The following BRD8 variants were observed in gnomAD, a reference collection of about 807,000 sequenced individuals.
BRD8 encodes the protein bromodomain-containing protein 8.
BRD8 carries 67 observed loss-of-function variants against 143.1 expected under a neutral mutation model. The ratio of observed to expected loss-of-function variants is 0.47; its 90% CI spans 0.38 to 0.57. The LOEUF is 0.57. Ranked by LOEUF, BRD8 falls within the 20% of genes least tolerant of loss-of-function variation. The pLI, the probability that BRD8 is intolerant of heterozygous loss-of-function variation, is 0.00. For synonymous variants in BRD8, 505 were observed against 517.1 expected (o/e 0.98, Z 0.32); for missense variants, 1,103 against 1,503.0 (o/e 0.73, Z 4.40).
rs1182175545 is a variant in BRD8, at chr5:138,160,265, T to C, written c.2428-92A>G. ...TAAGCACTGTAAATAGAACTTTGTATAGTACTCTTCTGGCTCAAATATATT... is the reference window on the plus strand; with the variant it reads ...TAAGCACTGTAAATAGAACTTTGTACAGTACTCTTCTGGCTCAAATATATT... On this transcript the variant is annotated intron_variant, in intron 18 of 26. Coordinates refer to ENST00000254900, the MANE Select transcript of BRD8 (RefSeq NM_139199.2). The C allele has an allele frequency of 5.8e-6, 5 of 857,118 alleles. No homozygotes were observed. In the East Asian group the frequency reaches 9.7e-5, roughly 17 times the overall value. 53.1% of individuals were successfully genotyped at this position (857,118 alleles called of 1,614,324 possible). A position where few individuals can be genotyped will look rare whatever the true frequency, so the allele number is the denominator to read the frequency against.
At chr5:138,159,432 G>A (rs1048714870) in intron 20 of BRD8, 123 bp downstream of exon 20, 1 of 1,016,322 alleles carries the variant, frequency 9.8e-7, no homozygotes. Flanking sequence ...TCAATGACCT[G>A]AATAAACAGA....
rs568423801 is a variant in BRD8, at chr5:138,144,107, T to C, written c.3437+1070A>G. ...AAGACCACGAACCCAACAAGAGGAA[T>C]AAACAACTCCGGATGTACCACCTTT... On this transcript the variant is annotated intron_variant, in intron 25 of 26. Coordinates refer to ENST00000254900, the MANE Select transcript of BRD8 (RefSeq NM_139199.2). Among the ~76,000 whole-genome samples the C allele has an allele frequency of 6.4e-3, 564 of 88,756 alleles. 3 individuals carry two copies. The highest frequency in any genetic ancestry group is 0.02 in the African/African-American group (536 of 27,146). 58.2% of individuals were successfully genotyped at this position (88,756 alleles called of 152,430 possible).
At position 138,164,921 on chromosome 5, in the gene BRD8, G is replaced by C. The variant is rs781741313; in HGVS notation, c.1524C>G (p.Ile508Met). Residue 508 changes from isoleucine (I) to methionine (M), a missense_variant, in exon 12 of 27, where the codon ATC (isoleucine) becomes ATG (methionine). Transcript: ENST00000254900. The part of the protein sequence containing the change: ...LVDIREPSAE[I>M]KVEPAEPEPV... Reference sequence around the variant, plus strand: ...GCTCTGGTTCTGCAGGTTCCACCTTGATCTCTGCACTGGGCTCCCTGATGT... The same window carrying C: ...GCTCTGGTTCTGCAGGTTCCACCTTCATCTCTGCACTGGGCTCCCTGATGT... The C allele has an allele frequency of 1.2e-6, 2 of 1,614,160 alleles. No individual in the cohort carries two copies. Among genetic ancestry groups the C allele is most frequent in the African/African-American group, 1.3e-5 (1 of 75,040 alleles).
At chr5:138,153,236 T>G (rs916040029) in intron 20 of BRD8, among the ~76,000 whole-genome samples, 20 of 152,202 alleles carry the variant, frequency 1.3e-4, no homozygotes, top group African/African-American at 4.6e-4. Flanking sequence ...TAGGATTGCC[T>G]TTGGCATCCT....
chr5:138,143,856 T>C (rs1020289084), intron 25 of BRD8, among the ~76,000 whole-genome samples: 1 of 152,154 alleles, frequency 6.6e-6, no homozygotes. Flanking sequence ...ATCAGTACTA[T>C]GTAAAATGGA....
chr5:138,144,704 C>A (rs1327405547), intron 25 of BRD8, among the ~76,000 whole-genome samples: 1 of 151,974 alleles, frequency 6.6e-6, no homozygotes, highest in East Asian at 1.9e-4. Context: ...GAGTTCAAGA[C>A]CAGCCTGGGC....
In BRD8 at chr5:138,171,346, T is replaced by A; in HGVS notation, c.236+15A>T. ...ACTAAAGAAATATGGCTGAAGTACC[T>A]GGCTTTGTACTCACTTTGGTGTCTC... On this transcript the variant is annotated intron_variant, in intron 4 of 26. Coordinates refer to ENST00000254900, the MANE Select transcript of BRD8 (RefSeq NM_139199.2). 1.2e-6 allele frequency: 2 copies of A among 1,600,356 alleles called. No homozygotes were observed. Among genetic ancestry groups the A allele is most frequent in the Non-Finnish European group, 1.7e-6 (2 of 1,170,004 alleles).
At position 138,171,090 on chromosome 5, in the gene BRD8, C is replaced by T. The variant is rs1278679840; in HGVS notation, c.307G>A (p.Glu103Lys). The T allele has an allele frequency of 3.7e-6, 6 of 1,613,794 alleles. No individual in the cohort carries two copies. In the South Asian group the frequency reaches 5.5e-5, roughly 15 times the overall value. Residue 103 changes from glutamate to lysine, a missense_variant, in exon 5 of 27, where the codon GAG becomes AAG. Coordinates refer to ENST00000254900, the MANE Select transcript of BRD8 (RefSeq NM_139199.2). ...EDVIVRKLTA[E>K]RVEELKKVIK... ...ACTTTCTTTAGTTCTTCAACTCGCTCAGCAGTCAATTTCCGAACAATAACA... is the reference window on the plus strand; with the variant it reads ...ACTTTCTTTAGTTCTTCAACTCGCTTAGCAGTCAATTTCCGAACAATAACA...
At position 138,170,374 on chromosome 5, in the gene BRD8, T is replaced by C. The variant is rs1449961129; in HGVS notation, c.476A>G (p.Lys159Arg). ...KKLEEEEAEV[K>R]RKATDAAYQA... The stretch of plus-strand genomic sequence containing the variant: ...GTATGCAGCATCTGTAGCCTTCCTC[T>C]TTACTTCAGCCTCCTCTTCTTCCAA... Residue 159 changes from lysine to arginine, a missense_variant, in exon 7 of 27, where the codon AAG becomes AGG. By Grantham distance (26) the Lys-to-Arg change is conservative. Transcript: ENST00000254900. The C allele has an allele frequency of 6.2e-7, 1 of 1,613,892 alleles. No individual in the cohort carries two copies. The highest frequency in any genetic ancestry group is 2.2e-5 in the East Asian group (1 of 44,898).
chr5:138,169,100 TC>T, intron 8 of BRD8, 121 bp downstream of exon 8: 1 of 1,056,556 alleles, frequency 9.5e-7, no homozygotes, highest in Non-Finnish European at 1.3e-6. Flanking sequence ...GTAAATTAAG[TC>T]TTTAGCATTC....
chr5:138,161,831 A>G lies in BRD8; in HGVS notation c.2214T>C (p.Asp738=), dbSNP rs956342724. 5.0e-6 allele frequency: 8 copies of G among 1,614,058 alleles called. No individual in the cohort carries two copies. The Admixed American group carries it at 8.3e-5, about 17-fold the overall frequency. The part of the protein sequence containing the change: ...YANVFLQPVT[D]DIAPGYHSIV... ...TGCTGTGGTAGCCAGGTGCTATGTCATCTGTAACAGGCTGCAGGAAGACAT... is the reference window on the plus strand; with the variant it reads ...TGCTGTGGTAGCCAGGTGCTATGTCGTCTGTAACAGGCTGCAGGAAGACAT... Residue 738 remains aspartate, a synonymous_variant, in exon 17 of 27, where the codon GAT becomes GAC. Coordinates refer to ENST00000254900, the MANE Select transcript of BRD8 (RefSeq NM_139199.2).
intron 13 of BRD8, 80 bp from the exon 14 acceptor site, chr5:138,164,213 C>T: frequency 1.3e-6 from 2 of 1,579,756 alleles, no homozygotes; most frequent in Non-Finnish European, 1.7e-6. Flanking sequence ...CCCTGCAGCT[C>T]TCCTTTACAT....
chr5:138,163,753 A>G, intron 14 of BRD8: 5 of 787,300 alleles, frequency 6.4e-6, no homozygotes, highest in South Asian at 1.6e-5. Flanking sequence ...AATTCTAAAA[A>G]GAAAACTCTG....
chr5:138,168,839 T>C (rs1052419844), intron 8 of BRD8: 5 of 600,424 alleles, frequency 8.3e-6, no homozygotes, highest in Non-Finnish European at 1.4e-5. Context: ...TAGCCATACT[T>C]TTCTTCCCCA....
intron 23 of BRD8, 52 bp downstream of exon 23, chr5:138,149,588 G>T (rs749310368): frequency 5.5e-5 from 78 of 1,429,452 alleles, no homozygotes; most frequent in Middle Eastern, 2.3e-4. Flanking sequence ...ATTCAAATAG[G>T]CATAAACAGA....
chr5:138,171,260 T>C, intron 4 of BRD8, 100 bp from the exon 5 acceptor site: 1 of 1,413,594 alleles, frequency 7.1e-7, no homozygotes, highest in Non-Finnish European at 9.9e-7. Flanking sequence ...ACTTCTGCTA[T>C]TTTTTAATCA....
chr5:138,155,937 A>C (rs1752572662), intron 20 of BRD8, among the ~76,000 whole-genome samples: 1 of 150,902 alleles, frequency 6.6e-6, no homozygotes, highest in South Asian at 2.1e-4. Flanking sequence ...GCAGTGATGC[A>C]ATTATAGGTC....
Position 138,145,193 on chromosome 5 carries a change from T to G in BRD8, c.3421A>C (p.Lys1141Gln). The G allele has an allele frequency of 1.2e-6, 2 of 1,613,922 alleles. No individual in the cohort carries two copies. Among genetic ancestry groups the G allele is most frequent in the Non-Finnish European group, 1.7e-6 (2 of 1,179,950 alleles). Residue 1141 changes from lysine (K) to glutamine (Q), a missense_variant, in exon 25 of 27, where the codon AAG becomes CAG. By Grantham distance (53) the Lys-to-Gln change is moderately conservative (BLOSUM62 1). Transcript: ENST00000254900. ...TTCACTGACCTTTTCACCACATCCT[T>G]GTACCCTGGGGCCTGCCTTTCTGAC... Reference protein sequence around the residue: ...PVSERQAPGYKDVVKRPMDLT... With the variant: ...PVSERQAPGYQDVVKRPMDLT...
chr5:138,172,321 A>G (rs1753931804), intron 2 of BRD8, among the ~76,000 whole-genome samples, 187 bp from the exon 3 acceptor site: 1 of 151,078 alleles, frequency 6.6e-6, no homozygotes, highest in African/African-American at 2.4e-5. Context: ...TCAGGAGATC[A>G]ATACCAACCT....
Sources: allele counts gnomAD v4.1 joint callset (sites outside exome capture counted in the v4.1 genomes callset), GRCh38; gene constraint gnomAD v4.1.1; transcripts MANE v1.5; gene names NCBI Gene and HGNC (gene_info 2026-07-23, HGNC 2026-07-21).